The following RAVER1 variants were observed in gnomAD, a reference collection of about 807,000 sequenced individuals.
RAVER1 encodes ribonucleoprotein PTB-binding 1.
A neutral mutation model predicts 68.4 loss-of-function variants in RAVER1; 36 were observed. The ratio of observed to expected loss-of-function variants is 0.53; its 90% CI spans 0.40 to 0.70. The LOEUF (loss-of-function observed/expected upper bound fraction) is 0.70, where lower values mean the gene tolerates loss of function less well. RAVER1 is among the 30% of genes least tolerant of loss of function. The probability of loss-of-function intolerance (pLI) is 0.00; values close to 1 mark genes in which losing one functional copy is unlikely to be tolerated. For synonymous variants in RAVER1, 469 were observed against 472.7 expected, an observed-to-expected ratio of 0.99 and a Z score of 0.10; for missense variants, 933 against 1,019.8, an observed-to-expected ratio of 0.91 and a Z score of 1.16.
rs1178911015 is a variant in RAVER1 at position 10,329,962 on chromosome 19, A to G, written c.286+498T>C. Among the ~76,000 whole-genome samples, 1 of 152,032 alleles carries G rather than the reference A, an allele frequency of 6.6e-6. No individual in the cohort carries two copies. Among genetic ancestry groups the G allele is most frequent in the Non-Finnish European group, 1.5e-5 (1 of 68,020 alleles). On this transcript the variant is annotated intron_variant, in intron 2 of 12. Transcript: ENST00000617231. This position sits in a 1 kb window ranked among gnomAD's most constrained non-coding sequence, Gnocchi z 4.6. ...CCAGGTAGAAACCCTGTCTCTACTA[A>G]AAATACAAAAATTAGCCGGGCATGG...
chr19:10,322,607 G>T lies in RAVER1; in HGVS notation c.1173+38C>A. The stretch of plus-strand genomic sequence containing the variant: ...AGCTGTGTTGAAAAGAGCCTGTAGG[G>T]GCTGTAGAGCAGTGGGTGAGGGGGA... On this transcript the variant is annotated intron_variant, in intron 6 of 12. Coordinates refer to ENST00000617231, the MANE Select transcript of RAVER1 (RefSeq NM_133452.3). This position sits in a 1 kb window ranked among gnomAD's most constrained non-coding sequence, Gnocchi z 4.3. 2 of 1,364,768 alleles carry T rather than the reference G, an allele frequency of 1.5e-6. No individual in the cohort carries two copies. Among genetic ancestry groups the T allele is most frequent in the South Asian group, 1.4e-5 (1 of 71,762 alleles). 84.5% of individuals were successfully genotyped at this position (1,364,768 alleles called of 1,614,324 possible). A position where few individuals can be genotyped will look rare whatever the true frequency, so the allele number is the denominator to read the frequency against.
In RAVER1 at chr19:10,318,384, G is replaced by C; in HGVS notation, c.1846-12C>G. On this transcript the variant is annotated splice_polypyrimidine_tract_variant and intron_variant, in intron 10 of 12. Transcript: ENST00000617231. Reference sequence around the variant, plus strand: ...GGCGGGGGGGACATCTGTAGAAGAAGGGCCGGTGGAGTGAAGCAGACAATT... The same window carrying C: ...GGCGGGGGGGACATCTGTAGAAGAACGGCCGGTGGAGTGAAGCAGACAATT... 6.3e-7 allele frequency: 1 copy of C among 1,586,602 alleles called. No individual in the cohort carries two copies. The highest frequency in any genetic ancestry group is 8.6e-7 in the Non-Finnish European group (1 of 1,169,342).
chr19:10,316,539 C>T lies in RAVER1; in HGVS notation c.*915G>A, dbSNP rs550743269. The T allele has an allele frequency of 2.4e-5, 24 of 987,836 alleles. No homozygotes were observed. The highest frequency in any genetic ancestry group is 1.4e-4 in the South Asian group (3 of 21,826). The allele number at this position is 987,836 out of a possible 1,614,324, so 61.2% of individuals were successfully genotyped here. ...AACAAGCGAGTGACAGCAGAGGCTC[C>T]GGGAGATGGGCACAATGTCCGACTC... On this transcript the variant is annotated 3_prime_UTR_variant, in exon 13 of 13. Coordinates refer to ENST00000617231, the MANE Select transcript of RAVER1 (RefSeq NM_133452.3).
At position 10,323,462 on chromosome 19, in the gene RAVER1, C is replaced by G. The variant is rs754225509; in HGVS notation, c.861G>C (p.Leu287=). The G allele has an allele frequency of 6.6e-5, 107 of 1,609,870 alleles. No individual in the cohort carries two copies. The highest frequency in any genetic ancestry group is 8.9e-5 in the Non-Finnish European group (105 of 1,179,580). ...AGGAGACTCGCAGGTGGCTGCCCCCCAGGGACAGGCCGTCCGCCTGCTGCT... is the reference window on the plus strand; with the variant it reads ...AGGAGACTCGCAGGTGGCTGCCCCCGAGGGACAGGCCGTCCGCCTGCTGCT... ...EAQQQADGLS[L]GGSHLRVSFC... Residue 287 remains leucine, a synonymous_variant, in exon 4 of 13, where the codon CTG becomes CTC. Coordinates refer to ENST00000617231, the MANE Select transcript of RAVER1 (RefSeq NM_133452.3). The surrounding 1 kb of genome is among the most constrained non-coding windows in gnomAD (Gnocchi z 6.2).
chr19:10,326,118 T>A (rs1039935752), intron 3 of RAVER1, among the ~76,000 whole-genome samples: 1 of 152,022 alleles, frequency 6.6e-6, no homozygotes, highest in African/African-American at 2.4e-5. Context: ...TAGCTGGGTG[T>A]GGTGTCAGGC....
At position 10,318,244 on chromosome 19, in the gene RAVER1, C is replaced by G. The variant is rs1473471085; in HGVS notation, c.1974G>C (p.Gln658His). 1.2e-6 allele frequency: 2 copies of G among 1,605,626 alleles called. No individual in the cohort carries two copies. Among genetic ancestry groups the G allele is most frequent in the East Asian group, 2.3e-5 (1 of 44,274 alleles). ...FTSGLQAGLK[Q>H]SHLSKAIGSS... Reference sequence around the variant, plus strand: ...GGTTCCTCACCTTACTGAGGTGGCTCTGCTTGAGGCCAGCCTGCAGGCCGC... The same window carrying G: ...GGTTCCTCACCTTACTGAGGTGGCTGTGCTTGAGGCCAGCCTGCAGGCCGC... The change falls in exon 11 of 13, where the codon CAG becomes CAC. Residue 658 changes from glutamine (Q) to histidine (H), a missense_variant. Physicochemically the swap from Gln to His is conservative, Grantham distance 24. Around this residue, in one of 3 missense-constraint regions of RAVER1, gnomAD observed 699 missense variants for 731.1 expected, o/e 0.96. Transcript: ENST00000617231.
chr19:10,321,722 G>C, intron 6 of RAVER1, 104 bp from the exon 7 acceptor site: 3 of 862,472 alleles, frequency 3.5e-6, no homozygotes, highest in East Asian at 6.2e-5. Flanking sequence ...TCCAGGGCAC[G>C]GCCGATCCTG....
chr19:10,318,955 G>A (rs2040414805), intron 10 of RAVER1, among the ~76,000 whole-genome samples: 1 of 152,174 alleles, frequency 6.6e-6, no homozygotes, highest in Admixed American at 6.6e-5. Flanking sequence ...CAAAGTGGGA[G>A]GATTGCTTGA....
chr19:10,325,132 T>C (rs1347473598), intron 3 of RAVER1, among the ~76,000 whole-genome samples: 1 of 152,184 alleles, frequency 6.6e-6, no homozygotes, highest in African/African-American at 2.4e-5. Context: ...TCAATTCTCC[T>C]GCCTCAGCTT....
rs1362591103 is a variant in RAVER1 at position 10,320,652 on chromosome 19, C to T, written c.1770+3G>A. ...GGACAGAGAGCTGCAGCCAGGCACT[C>T]ACCGAGGGGTAGTCGAAGCTGTAGC... On this transcript the variant is annotated splice_donor_region_variant and intron_variant, in intron 9 of 12. Transcript: ENST00000617231. 10 of 1,548,128 alleles carry T rather than the reference C, an allele frequency of 6.5e-6. No homozygotes were observed. The highest frequency in any genetic ancestry group is 7.8e-6 in the Non-Finnish European group (9 of 1,150,008).
In RAVER1 at chr19:10,319,251, G is replaced by A. The variant is rs371572382; in HGVS notation, c.1771-11C>T. On this transcript the variant is annotated splice_polypyrimidine_tract_variant and intron_variant, in intron 9 of 12. Coordinates refer to ENST00000617231, the MANE Select transcript of RAVER1 (RefSeq NM_133452.3). Reference sequence around the variant, plus strand: ...CCGAGGTCCCATGTCCTGAATGAAAGCGGGAGAAGCACATTGGGTTGGAGT... The same window carrying A: ...CCGAGGTCCCATGTCCTGAATGAAAACGGGAGAAGCACATTGGGTTGGAGT... 5.0e-6 allele frequency: 8 copies of A among 1,613,036 alleles called. No homozygotes were observed. Among genetic ancestry groups the A allele is most frequent in the East Asian group, 2.2e-5 (1 of 44,854 alleles).
Position 10,333,460 on chromosome 19 carries a change from C to G in RAVER1, c.48G>C (p.Lys16Asn). The G allele has an allele frequency of 8.7e-6, 14 of 1,611,984 alleles. No homozygotes were observed. The highest frequency in any genetic ancestry group is 1.2e-5 in the Non-Finnish European group (14 of 1,179,578). Reference protein sequence around the residue: ...SVTHRPPLSPKSGAEVEAGDA... With the variant: ...SVTHRPPLSPNSGAEVEAGDA... ...CGCCGGCTTCGACTTCGGCCCCAGA[C>G]TTAGGGCTCAGCGGGGGCCGGTGAG... The change falls in exon 1 of 13, where the codon AAG becomes AAC. Residue 16 changes from lysine to asparagine, a missense_variant. By Grantham distance (94) the Lys-to-Asn change is moderately conservative. Transcript: ENST00000617231. The surrounding 1 kb of genome is among the most constrained non-coding windows in gnomAD (Gnocchi z 4.2).
chr19:10,320,949 G>C lies in RAVER1; in HGVS notation c.1476C>G (p.Val492=). The change falls in exon 9 of 13, where the codon GTC becomes GTG. Residue 492 remains valine, a splice_region_variant and synonymous_variant. Transcript: ENST00000617231. The part of the protein sequence containing the change: ...DSGPLPTPPG[V]SLLGEPPKDY... ...CCTTGGGGGGCTCCCCCAGCAGTGA[G>C]ACCTGTGGCGGGAAGGCAGGATTCG... 1.3e-5 allele frequency: 19 copies of C among 1,492,390 alleles called. No individual in the cohort carries two copies. Among genetic ancestry groups the C allele is most frequent in the Non-Finnish European group, 1.6e-5 (18 of 1,128,338 alleles). The allele number at this position is 1,492,390 out of a possible 1,614,324, so 92.4% of individuals were successfully genotyped here. A position where few individuals can be genotyped will look rare whatever the true frequency, so the allele number is the denominator to read the frequency against.
chr19:10,318,152 T>G, intron 11 of RAVER1, 77 bp downstream of exon 11: 1 of 1,346,836 alleles, frequency 7.4e-7, no homozygotes, highest in African/African-American at 1.5e-5. Context: ...CACCGAGGGT[T>G]ACAGAGCCCC....
At chr19:10,319,094 T>A (rs1338206662) in intron 10 of RAVER1, 72 bp downstream of exon 10, 6 of 1,390,750 alleles carry the variant, frequency 4.3e-6, no homozygotes, top group Non-Finnish European at 6.1e-6. Context: ...TGTTCCAGGC[T>A]ACTAAGTCAT....
In RAVER1 at chr19:10,317,367, A is replaced by C; in HGVS notation, c.*87T>G. 2 of 1,391,950 alleles carry C rather than the reference A, an allele frequency of 1.4e-6. No individual in the cohort carries two copies. The highest frequency in any genetic ancestry group is 2.0e-6 in the Non-Finnish European group (2 of 985,960). The allele number at this position is 1,391,950 out of a possible 1,614,324, so 86.2% of individuals were successfully genotyped here. On this transcript the variant is annotated 3_prime_UTR_variant, in exon 13 of 13. Coordinates refer to ENST00000617231, the MANE Select transcript of RAVER1 (RefSeq NM_133452.3). The surrounding 1 kb of genome is among the most constrained non-coding windows in gnomAD (Gnocchi z 4.3). Reference sequence around the variant, plus strand: ...TTTTTCTATTACCGAAAGAGAGAAAATGGTTTAAAAAAAACACAAAACAAA... The same window carrying C: ...TTTTTCTATTACCGAAAGAGAGAAACTGGTTTAAAAAAAACACAAAACAAA...
rs573453887 is a variant in RAVER1 at position 10,329,145 on chromosome 19, G to A, written c.287-34C>T. On this transcript the variant is annotated intron_variant, in intron 2 of 12. Coordinates refer to ENST00000617231, the MANE Select transcript of RAVER1 (RefSeq NM_133452.3). The surrounding 1 kb of genome is among the most constrained non-coding windows in gnomAD (Gnocchi z 4.6). ...GGAGGAGGGCAGTGCGAGGTCAGCC[G>A]GGCCCTGAGGGCCTGCCCCTCCACC... 8.8e-5 allele frequency: 115 copies of A among 1,301,236 alleles called. 3 individuals carry two copies. Among genetic ancestry groups the A allele is most frequent in the South Asian group, 5.3e-4 (34 of 64,672 alleles). The allele number at this position is 1,301,236 out of a possible 1,614,324, so 80.6% of individuals were successfully genotyped here. A position where few individuals can be genotyped will look rare whatever the true frequency, so the allele number is the denominator to read the frequency against.
chr19:10,321,645 G>T (rs764220507), intron 6 of RAVER1, 27 bp from the exon 7 acceptor site: 1 of 1,403,200 alleles, frequency 7.1e-7, no homozygotes, highest in Non-Finnish European at 9.3e-7. Context: ...GACAGTTGCA[G>T]ATGGGGGCAG....
chr19:10,320,110 TGACA>T (rs901161111), intron 9 of RAVER1, among the ~76,000 whole-genome samples: 32 of 152,206 alleles, frequency 2.1e-4, no homozygotes, highest in Admixed American at 2.0e-3. Context: ...AGACGCAGGA[TGACA>T]GACAGACTGA....
Sources: gnomAD v4.1 joint callset for allele counts (sites outside exome capture counted in the v4.1 genomes callset) on GRCh38, gnomAD v4.1.1 for gene constraint, gnomAD v4.1.1 regional missense constraint, Gnocchi (gnomAD v3.1) non-coding constraint, MANE v1.5 for transcripts, NCBI Gene and HGNC (gene_info 2026-07-23, HGNC 2026-07-21) for gene names.